Variants in ZNF836 observed in about 807,000 individuals in gnomAD.
The protein encoded by ZNF836 is zinc finger protein 836.
Under a neutral mutation model 7.4 loss-of-function variants are expected in ZNF836, and 12 were observed. The ratio of observed to expected loss-of-function variants is 1.61; its 90% CI spans 1.03 to 2.61. ZNF836 has a LOEUF of 2.61. Among genes scored for constraint, ZNF836 ranks in the 30% most tolerant of loss-of-function variants. The pLI is 0.00. For synonymous variants in ZNF836, 365 were observed against 382.6 expected, an observed-to-expected ratio of 0.95 and a Z score of 0.54; for missense variants, 998 against 1,126.2, an observed-to-expected ratio of 0.89 and a Z score of 1.63.
At position 52,155,227 on chromosome 19, in the gene ZNF836, G is replaced by T; in HGVS notation, c.2456C>A (p.Ser819Ter). The change falls in exon 5 of 5, where the codon TCA (serine) becomes TAA (stop). Residue 819 changes from serine to a stop codon, truncating the protein, a stop_gained. Coordinates refer to ENST00000682614, the MANE Select transcript of ZNF836 (RefSeq NM_001102657.3). LOFTEE classifies it low-confidence loss of function (END_TRUNC). ...NECGKAFRVRSILVNHQKMHT... is the reference protein window; with the variant it reads ...NECGKAFRVR The stretch of plus-strand genomic sequence containing the variant: ...CATTTTCTGATGATTAACCAGAATT[G>T]AACGCACTCTAAAGGCTTTGCCACA... 6.2e-7 allele frequency: 1 copy of T among 1,614,016 alleles called. No homozygotes were observed. Among genetic ancestry groups the T allele is most frequent in the Non-Finnish European group, 8.5e-7 (1 of 1,179,942 alleles).
chr19:52,167,416 G>A (rs1450941427), intron 3 of ZNF836, among the ~76,000 whole-genome samples: 1 of 126,196 alleles, frequency 7.9e-6, no homozygotes, highest in East Asian at 2.3e-4. Flanking sequence ...AGGTTGCAGT[G>A]AGCCGAGATC....
intron 2 of ZNF836, 111 bp from the exon 3 acceptor site, chr19:52,168,263 C>G: frequency 3.2e-6 from 2 of 623,154 alleles, no homozygotes; most frequent in Non-Finnish European, 5.4e-6. Flanking sequence ...CCCACTGCAC[C>G]AGGGGGATGC....
intron 3 of ZNF836, among the ~76,000 whole-genome samples, chr19:52,163,795 AG>A (rs1205188861): frequency 1.3e-5 from 2 of 151,818 alleles, no homozygotes; most frequent in Admixed American, 6.6e-5. Context: ...CTAGTACCAT[AG>A]GTGACTGCAG....
intron 3 of ZNF836, among the ~76,000 whole-genome samples, chr19:52,166,343 C>T (rs111377561): frequency 2.0e-5 from 3 of 151,990 alleles, no homozygotes; most frequent in African/African-American, 7.2e-5. Context: ...TGAAATGTTT[C>T]CTTGATGCCC....
rs771725886 is a variant in ZNF836, at chr19:52,156,955, T to C, written c.728A>G (p.Glu243Gly). The C allele has an allele frequency of 3.1e-6, 5 of 1,614,082 alleles. No individual in the cohort carries two copies. In the African/African-American group the frequency reaches 4.0e-5, roughly 13 times the overall value. The change falls in exon 5 of 5, where the codon GAG becomes GGG. Residue 243 changes from glutamate to glycine, a missense_variant. Physicochemically the swap from Glu to Gly is moderately conservative, Grantham distance 98 (BLOSUM62 -2). Transcript: ENST00000682614. ...LINHQMVHTT[E>G]KPYKCNECGK... is the part of the protein sequence containing the mutation. The stretch of plus-strand genomic sequence containing the variant: ...ACATTCATTGCATTTGTAAGGTTTC[T>C]CTGTAGTATGTACCATCTGATGGTT...
chr19:52,163,570 C>T (rs928962237), intron 3 of ZNF836, among the ~76,000 whole-genome samples: 27 of 152,024 alleles, frequency 1.8e-4, no homozygotes, highest in Middle Eastern at 3.4e-3. Context: ...GTCAAGAGAT[C>T]GAAACCATCC....
chr19:52,168,272 G>A, intron 2 of ZNF836, 120 bp from the exon 3 acceptor site: 2 of 596,630 alleles, frequency 3.4e-6, no homozygotes, highest in South Asian at 2.4e-5. Context: ...CCAGGGGGAT[G>A]CAAGGATAAT....
Position 52,168,062 on chromosome 19 carries a change from G to C in ZNF836, c.11C>G (p.Thr4Arg), listed in dbSNP as rs1358984042. 1 of 1,607,644 alleles carries C rather than the reference G, an allele frequency of 6.2e-7. No homozygotes were observed. The highest frequency in any genetic ancestry group is 8.5e-7 in the Non-Finnish European group (1 of 1,174,734). MAL[T>R]QGPLTFRDVA... ...CCACTAAGAATATCATTTTACCTGT[G>C]TAAGAGCCATCCCTGACTCCTTTTC... Residue 4 changes from threonine (T) to arginine (R), a missense_variant, in exon 3 of 5, where the codon ACA becomes AGA. Physicochemically the swap from Thr to Arg is moderately conservative, Grantham distance 71. Transcript: ENST00000682614.
In ZNF836 at chr19:52,156,555, G is replaced by A; in HGVS notation, c.1128C>T (p.His376=). 6.2e-7 allele frequency: 1 copy of A among 1,613,286 alleles called. No individual in the cohort carries two copies. The highest frequency in any genetic ancestry group is 1.7e-4 in the Middle Eastern group (1 of 6,054). ...VFRQNSNLVN[H]QRIHTGEKPY... ...GTTTCTCTCCAGTGTGGATTCTCTG[G>A]TGATTTACAAGATTAGAATTCTGCC... Residue 376 remains histidine, a synonymous_variant, in exon 5 of 5, where the codon CAC becomes CAT. Coordinates refer to ENST00000682614, the MANE Select transcript of ZNF836 (RefSeq NM_001102657.3).
At chr19:52,168,007 G>T (rs191662565) in intron 3 of ZNF836, 51 bp downstream of exon 3, 77 of 1,400,130 alleles carry the variant, frequency 5.5e-5, no homozygotes, top group East Asian at 2.3e-5. Context: ...CCAATGTGTC[G>T]CATTTCAAAA....
chr19:52,155,792 T>A lies in ZNF836; in HGVS notation c.1891A>T (p.Ile631Phe). ...TGAAACGGCTTCTCTCCAGTATGAA[T>A]TCTCTTATGATTTGAAAGGTTTCCA... ...DSGNLSNHKR[I>F]HTGEKPFQCN... is the part of the protein sequence containing the mutation. The change falls in exon 5 of 5, where the codon ATT (isoleucine) becomes TTT (phenylalanine). Residue 631 changes from isoleucine (I) to phenylalanine (F), a missense_variant. By Grantham distance (21) the Ile-to-Phe change is conservative. Coordinates refer to ENST00000682614, the MANE Select transcript of ZNF836 (RefSeq NM_001102657.3). 1 of 1,614,064 alleles carries A rather than the reference T, an allele frequency of 6.2e-7. No individual in the cohort carries two copies. Among genetic ancestry groups the A allele is most frequent in the South Asian group, 1.1e-5 (1 of 91,080 alleles).
At chr19:52,158,378 G>A (rs1346203824) in intron 4 of ZNF836, among the ~76,000 whole-genome samples, 1 of 151,990 alleles carries the variant, frequency 6.6e-6, no homozygotes, top group African/African-American at 2.4e-5. Flanking sequence ...AAATGAGAAA[G>A]AATTTTTTGA....
In ZNF836 at chr19:52,154,435, C is replaced by T. The variant is rs1247318894; in HGVS notation, c.*437G>A. 6.6e-6 allele frequency among the ~76,000 whole-genome samples: 1 copy of T among 152,042 alleles called. No individual in the cohort carries two copies. Among genetic ancestry groups the T allele is most frequent in the Non-Finnish European group, 1.5e-5 (1 of 68,004 alleles). On this transcript the variant is annotated 3_prime_UTR_variant, in exon 5 of 5. Coordinates refer to ENST00000682614, the MANE Select transcript of ZNF836 (RefSeq NM_001102657.3). ...CAGCACTTTGGGAGGCCGAGGCAGG[C>T]AGATCACTAGGTCAAGAAATTGAGA...
rs1600135867 is a variant in ZNF836 at position 52,154,490 on chromosome 19, G to A, written c.*382C>T. On this transcript the variant is annotated 3_prime_UTR_variant, in exon 5 of 5. Transcript: ENST00000682614. The stretch of plus-strand genomic sequence containing the variant: ...CCTGGCCAACATGGTGAAACTCCAT[G>A]TCTACTAAAAATACAAAAATTAGCC... 6.2e-6 allele frequency: 1 copy of A among 160,720 alleles called. No homozygotes were observed. Among genetic ancestry groups the A allele is most frequent in the South Asian group, 1.7e-4 (1 of 5,922 alleles). 10.0% of individuals were successfully genotyped at this position (160,720 alleles called of 1,614,324 possible).
intron 4 of ZNF836, among the ~76,000 whole-genome samples, chr19:52,158,146 C>T (rs936224068): frequency 1.3e-5 from 2 of 152,064 alleles, no homozygotes; most frequent in African/African-American, 2.4e-5. Context: ...CATATATTAG[C>T]ACTAAAACAA....
chr19:52,164,455 AGGAAGG>A (rs2089243739), intron 3 of ZNF836, among the ~76,000 whole-genome samples: 1 of 121,576 alleles, frequency 8.2e-6, no homozygotes, highest in African/African-American at 3.4e-5. Flanking sequence ...GAGAAAAGGA[AGGAAGG>A]AAGGAAGGAA....
intron 1 of ZNF836, among the ~76,000 whole-genome samples, chr19:52,170,569 C>G (rs976691370): frequency 1.3e-5 from 2 of 152,066 alleles, no homozygotes; most frequent in Non-Finnish European, 2.9e-5. Flanking sequence ...TGCCGCCCCA[C>G]TCTATTTTGC....
At chr19:52,157,587 T>C (rs1431441903) in intron 4 of ZNF836, 47 bp from the exon 5 acceptor site, 24 of 1,440,554 alleles carry the variant, frequency 1.7e-5, no homozygotes, top group Non-Finnish European at 2.0e-5. Context: ...GTTTTTTTTT[T>C]TGAGACAGAG....
chr19:52,156,396 G>A lies in ZNF836; in HGVS notation c.1287C>T (p.Leu429=), dbSNP rs374731235. The A allele has an allele frequency of 3.7e-6, 6 of 1,614,042 alleles. No individual in the cohort carries two copies. The highest frequency in any genetic ancestry group is 4.2e-6 in the Non-Finnish European group (5 of 1,180,032). The change falls in exon 5 of 5, where the codon CTC becomes CTT. Residue 429 remains leucine, a synonymous_variant. Transcript: ENST00000682614. ...CGKTFKRSSS[L]TTHQIIHTGE... is the part of the protein sequence containing the mutation. Reference sequence around the variant, plus strand: ...CTGTATGGATTATCTGATGTGTAGTGAGGCTGGAGCTCCGTTTAAAGGTTT... The same window carrying A: ...CTGTATGGATTATCTGATGTGTAGTAAGGCTGGAGCTCCGTTTAAAGGTTT...
Sources: allele counts gnomAD v4.1 joint callset (sites outside exome capture counted in the v4.1 genomes callset), GRCh38; gene constraint gnomAD v4.1.1; transcripts MANE v1.5; gene names NCBI Gene and HGNC (gene_info 2026-07-23, HGNC 2026-07-21).